Variants in DPP10 observed in about 807,000 individuals in gnomAD.
DPP10 encodes dipeptidyl peptidase like 10, also known as inactive dipeptidyl peptidase 10.
In DPP10, 33 loss-of-function variants were observed where a neutral mutation model predicts 120.9. That is an observed-to-expected ratio of 0.27 (90% confidence interval 0.21 to 0.37). The LOEUF (loss-of-function observed/expected upper bound fraction) is 0.37, where lower values mean the gene tolerates loss of function less well. Ranked by LOEUF, DPP10 falls within the 10% of genes least tolerant of loss-of-function variation. DPP10 has a pLI of 1.00. For missense variants in DPP10, 816 were observed against 942.8 expected, an observed-to-expected ratio of 0.87 and a Z score of 1.76; for synonymous variants, 337 against 326.1, an observed-to-expected ratio of 1.03 and a Z score of -0.36.
At chr2:115,372,920 A>C (rs1221606835) in intron 3 of DPP10, among the ~76,000 whole-genome samples, 1 of 152,244 alleles carries the variant, frequency 6.6e-6, no homozygotes, top group Non-Finnish European at 1.5e-5. Flanking sequence ...TCAAGACATA[A>C]TATCTACCTT....
intron 21 of DPP10, among the ~76,000 whole-genome samples, chr2:115,830,963 C>G (rs953869516): frequency 2.6e-5 from 4 of 152,014 alleles, no homozygotes; most frequent in Non-Finnish European, 5.9e-5. Context: ...TGAGTCACTT[C>G]TAAGGTTTAA....
At chr2:114,767,042 TC>T (rs1360960740) in intron 1 of DPP10, among the ~76,000 whole-genome samples, 1 of 149,570 alleles carries the variant, frequency 6.7e-6, no homozygotes, top group Non-Finnish European at 1.5e-5. Flanking sequence ...AGTGAAAATT[TC>T]ATGGGACTCT....
chr2:114,644,150 G>T (rs1695936102), intron 1 of DPP10, among the ~76,000 whole-genome samples: 2 of 148,918 alleles, frequency 1.3e-5, no homozygotes, highest in African/African-American at 2.5e-5. Flanking sequence ...TACTATGTTG[G>T]CCAGGCTGGT....
At chr2:115,405,551 A>G (rs1052717018) in intron 3 of DPP10, among the ~76,000 whole-genome samples, 12 of 152,058 alleles carry the variant, frequency 7.9e-5, no homozygotes, top group Non-Finnish European at 1.2e-4. Context: ...TGGGCATTCT[A>G]GAGAAGACTC....
At chr2:114,500,040 G>C (rs1289905404) in intron 1 of DPP10, among the ~76,000 whole-genome samples, 1 of 152,222 alleles carries the variant, frequency 6.6e-6, no homozygotes, top group Non-Finnish European at 1.5e-5. Flanking sequence ...CAGCTGTTGA[G>C]AATATTAGGG....
At chr2:115,379,429 T>G (rs541762656) in intron 3 of DPP10, among the ~76,000 whole-genome samples, 1 of 152,338 alleles carries the variant, frequency 6.6e-6, no homozygotes, top group East Asian at 1.9e-4. Context: ...TGCGACTATT[T>G]GATTCTTCTC....
chr2:114,462,609 G>T (rs961013633), intron 1 of DPP10, among the ~76,000 whole-genome samples: 11 of 152,266 alleles, frequency 7.2e-5, no homozygotes, highest in African/African-American at 2.6e-4. Flanking sequence ...CCTAACAAGG[G>T]TCTATGCTAT....
chr2:115,484,606 C>A (rs1029090628), intron 3 of DPP10, among the ~76,000 whole-genome samples: 3 of 152,012 alleles, frequency 2.0e-5, no homozygotes, highest in Non-Finnish European at 4.4e-5. Flanking sequence ...GTAGGGATTC[C>A]ATATGCTATA....
At chr2:115,431,908 TG>T (rs2071025778) in intron 3 of DPP10, among the ~76,000 whole-genome samples, 1 of 152,080 alleles carries the variant, frequency 6.6e-6, no homozygotes, top group Non-Finnish European at 1.5e-5. Context: ...ATCTTTAAAG[TG>T]GGATTTGGAA....
intron 3 of DPP10, among the ~76,000 whole-genome samples, chr2:115,475,162 C>T (rs542653752): frequency 3.0e-4 from 45 of 152,104 alleles, no homozygotes; most frequent in Non-Finnish European, 4.7e-4. Flanking sequence ...CAGTACTTCT[C>T]CTCACAGGCC....
chr2:114,656,043 T>C (rs1424849303), intron 1 of DPP10, among the ~76,000 whole-genome samples: 1 of 152,170 alleles, frequency 6.6e-6, no homozygotes, highest in Non-Finnish European at 1.5e-5. Context: ...GGGGCATAGT[T>C]CTATCTAAGG....
At chr2:115,130,172 T>C (rs1313906861) in intron 1 of DPP10, among the ~76,000 whole-genome samples, 5 of 152,206 alleles carry the variant, frequency 3.3e-5, no homozygotes, top group African/African-American at 1.2e-4. Flanking sequence ...ATGGAAGTTG[T>C]AGGCTATTCC....
chr2:115,593,607 CAAGTA>C (rs1403829105), intron 5 of DPP10, among the ~76,000 whole-genome samples: 1 of 151,946 alleles, frequency 6.6e-6, no homozygotes, highest in East Asian at 1.9e-4. Flanking sequence ...AGACTTGTAA[CAAGTA>C]AAGAATTCAG....
chr2:115,682,468 C>G (rs759863722), intron 5 of DPP10, among the ~76,000 whole-genome samples: 1 of 151,680 alleles, frequency 6.6e-6, no homozygotes, highest in Admixed American at 6.6e-5. Context: ...CTATAGAAAA[C>G]GTCGCAGGAA....
intron 2 of DPP10, among the ~76,000 whole-genome samples, chr2:115,331,442 A>C (rs1346200800): frequency 6.6e-6 from 1 of 152,198 alleles, no homozygotes; most frequent in East Asian, 1.9e-4. Context: ...TGCCCTGGCC[A>C]GAACTTCCAG....
At chr2:115,019,096 G>T (rs928916184) in intron 1 of DPP10, among the ~76,000 whole-genome samples, 2 of 149,846 alleles carry the variant, frequency 1.3e-5, no homozygotes, top group African/African-American at 2.5e-5. Flanking sequence ...CTGCCACTCA[G>T]CTTCACCGAC....
At chr2:114,485,461 T>TG (rs1491397719) in intron 1 of DPP10, among the ~76,000 whole-genome samples, 1 of 136,880 alleles carries the variant, frequency 7.3e-6, no homozygotes, top group Non-Finnish European at 1.5e-5. Context: ...CAGGAAAAAC[T>TG]GTTTTTTTTT....
At chr2:115,183,823 C>G (rs967332050) in intron 1 of DPP10, among the ~76,000 whole-genome samples, 2 of 152,024 alleles carry the variant, frequency 1.3e-5, no homozygotes, top group Admixed American at 1.3e-4. Context: ...AAAGCTAGAT[C>G]GAAAGAGCTT....
intron 21 of DPP10, among the ~76,000 whole-genome samples, chr2:115,820,164 T>C (rs2150056815): frequency 6.6e-6 from 1 of 152,302 alleles, no homozygotes; most frequent in African/African-American, 2.4e-5. Context: ...TTATGTCAAA[T>C]TGAATGAAAT....
Sources: gnomAD v4.1 joint callset for allele counts (sites outside exome capture counted in the v4.1 genomes callset) on GRCh38, gnomAD v4.1.1 for gene constraint, MANE v1.5 for transcripts, NCBI Gene and HGNC (gene_info 2026-07-23, HGNC 2026-07-21) for gene names.